The following FBXL7 variants were observed in gnomAD, a reference collection of about 807,000 sequenced individuals.
FBXL7 encodes F-box/LRR-repeat protein 7.
In FBXL7, 12 loss-of-function variants were observed where a neutral mutation model predicts 38.3. That is an observed-to-expected ratio of 0.31 (90% confidence interval 0.20 to 0.51). FBXL7 has a LOEUF of 0.51. Ranked by LOEUF, FBXL7 falls within the 20% of genes least tolerant of loss-of-function variation. The pLI, the probability that FBXL7 is intolerant of heterozygous loss-of-function variation, is 0.98. For synonymous variants in FBXL7, 297 were observed against 300.9 expected, an observed-to-expected ratio of 0.99 and a Z score of 0.13; for missense variants, 567 against 676.4, an observed-to-expected ratio of 0.84 and a Z score of 1.79.
intron 2 of FBXL7, among the ~76,000 whole-genome samples, chr5:15,687,197 C>CT (rs1255454612): frequency 6.6e-6 from 1 of 152,242 alleles, no homozygotes; most frequent in Non-Finnish European, 1.5e-5. Context: ...AACAAAACCC[C>CT]TTTATAGGAA....
chr5:15,620,775 T>A (rs1277297609), intron 2 of FBXL7, among the ~76,000 whole-genome samples: 1 of 152,178 alleles, frequency 6.6e-6, no homozygotes, highest in African/African-American at 2.4e-5. Flanking sequence ...AACTGACTCA[T>A]CATGGTAATA....
chr5:15,652,950 T>A (rs1241596456), intron 2 of FBXL7, among the ~76,000 whole-genome samples: 1 of 152,228 alleles, frequency 6.6e-6, no homozygotes. Context: ...ATGTGATTAT[T>A]ACACATTGTA....
At chr5:15,570,813 A>G (rs1448313162) in intron 1 of FBXL7, among the ~76,000 whole-genome samples, 3 of 152,114 alleles carry the variant, frequency 2.0e-5, no homozygotes, top group Admixed American at 1.3e-4. Context: ...ATTTTTATGA[A>G]TTGAAACTGT....
At chr5:15,574,559 A>G (rs1738896190) in intron 1 of FBXL7, among the ~76,000 whole-genome samples, 1 of 152,250 alleles carries the variant, frequency 6.6e-6, no homozygotes, top group South Asian at 2.1e-4. Context: ...AAGAACTGAA[A>G]TAAGCCAGTA....
chr5:15,648,875 C>G (rs1257043469), intron 2 of FBXL7, among the ~76,000 whole-genome samples: 3 of 151,684 alleles, frequency 2.0e-5, no homozygotes, highest in Non-Finnish European at 4.4e-5. Flanking sequence ...TCTTCGGTGT[C>G]CTAGTCAAGT....
At chr5:15,803,139 C>T (rs946818132) in intron 2 of FBXL7, among the ~76,000 whole-genome samples, 3 of 152,094 alleles carry the variant, frequency 2.0e-5, no homozygotes, top group African/African-American at 7.2e-5. Flanking sequence ...TATCTATGGA[C>T]CACCTGATTT....
intron 1 of FBXL7, among the ~76,000 whole-genome samples, chr5:15,533,040 C>G (rs529262643): frequency 7.2e-5 from 11 of 152,228 alleles, no homozygotes; most frequent in African/African-American, 2.6e-4. Flanking sequence ...GTGTTACAGA[C>G]TTGTTGAGTT....
At chr5:15,693,497 T>G (rs938074763) in intron 2 of FBXL7, among the ~76,000 whole-genome samples, 1 of 152,158 alleles carries the variant, frequency 6.6e-6, no homozygotes, top group Non-Finnish European at 1.5e-5. Context: ...TGTAGAGAAG[T>G]GCAGGGTCTC....
At chr5:15,768,822 TA>T (rs754374078) in intron 2 of FBXL7, among the ~76,000 whole-genome samples, 8 of 152,174 alleles carry the variant, frequency 5.3e-5, no homozygotes, top group Non-Finnish European at 1.0e-4. Flanking sequence ...GGGGATTTGC[TA>T]TGGACTACAC....
intron 2 of FBXL7, among the ~76,000 whole-genome samples, chr5:15,713,559 A>G (rs571848408): frequency 6.6e-6 from 1 of 152,308 alleles, no homozygotes; most frequent in South Asian, 2.1e-4. Flanking sequence ...CATTCATGAT[A>G]CCCTGTCTTA....
Position 15,822,088 on chromosome 5 carries a change from C to T in FBXL7, c.128-105802C>T, listed in dbSNP as rs576648762. Among the ~76,000 whole-genome samples, 36 of 151,834 alleles carry T rather than the reference C, an allele frequency of 2.4e-4. 1 individual carries two copies. The South Asian group carries it at 7.1e-3, about 30-fold the overall frequency. ...AAAAGTGAGACCCAGTGTGGTGGCT[C>T]ACACCTGTAATCCCAGCACTTTGGG... On this transcript the variant is annotated intron_variant, in intron 2 of 3. Transcript: ENST00000504595.
intron 2 of FBXL7, among the ~76,000 whole-genome samples, chr5:15,778,237 C>G (rs754353609): frequency 1.1e-3 from 163 of 152,136 alleles, no homozygotes; most frequent in Non-Finnish European, 1.0e-3. Context: ...TGAACTCCCC[C>G]TTTCAAATAT....
intron 2 of FBXL7, among the ~76,000 whole-genome samples, chr5:15,841,148 T>C (rs986662137): frequency 5.3e-5 from 8 of 152,154 alleles, no homozygotes; most frequent in African/African-American, 1.9e-4. Flanking sequence ...CCAATTCTTA[T>C]ACTATTAACT....
At chr5:15,880,263 A>G (rs943547484) in intron 2 of FBXL7, among the ~76,000 whole-genome samples, 10 of 146,456 alleles carry the variant, frequency 6.8e-5, no homozygotes, top group African/African-American at 2.1e-4. Flanking sequence ...TGATGGGTCC[A>G]GGTCCACCGC....
At position 15,647,418 on chromosome 5, in the gene FBXL7, C is replaced by T. The variant is rs4537062; in HGVS notation, c.127+31346C>T. 1.4e-4 allele frequency among the ~76,000 whole-genome samples: 21 copies of T among 151,952 alleles called. No homozygotes were observed. The South Asian group carries it at 1.5e-3, about 11-fold the overall frequency. ...ATTTCTTATTCTCACTCAGTACTTC[C>T]GAGGCCACTGTCAGAGTTCCATCTG... On this transcript the variant is annotated intron_variant, in intron 2 of 3. Coordinates refer to ENST00000504595, the MANE Select transcript of FBXL7 (RefSeq NM_012304.5).
At chr5:15,722,121 TC>T (rs1744212899) in intron 2 of FBXL7, among the ~76,000 whole-genome samples, 1 of 152,042 alleles carries the variant, frequency 6.6e-6, no homozygotes, top group Admixed American at 6.6e-5. Context: ...GCGTGAGCCA[TC>T]ACGCCCGGCC....
rs1308423909 is a variant in FBXL7, at chr5:15,615,847, T to G, written c.38-136T>G. 5.6e-6 allele frequency: 3 copies of G among 531,294 alleles called. No individual in the cohort carries two copies. The Admixed American group carries it at 1.1e-4, about 19-fold the overall frequency. The allele number at this position is 531,294 out of a possible 1,614,324, so 32.9% of individuals were successfully genotyped here. Reference sequence around the variant, plus strand: ...TTTAATGCATAAGGCAAAAAAAAACTTAATAAACTCCATTCTTTGTATTAT... The same window carrying G: ...TTTAATGCATAAGGCAAAAAAAAACGTAATAAACTCCATTCTTTGTATTAT... On this transcript the variant is annotated intron_variant, in intron 1 of 3. Coordinates refer to ENST00000504595, the MANE Select transcript of FBXL7 (RefSeq NM_012304.5).
chr5:15,788,069 C>T (rs1737176234), intron 2 of FBXL7, among the ~76,000 whole-genome samples: 1 of 152,154 alleles, frequency 6.6e-6, no homozygotes, highest in Non-Finnish European at 1.5e-5. Context: ...CAGACCCTTA[C>T]TCCAATCTCT....
intron 2 of FBXL7, among the ~76,000 whole-genome samples, chr5:15,766,996 C>G (rs1416538477): frequency 6.6e-6 from 1 of 151,684 alleles, no homozygotes; most frequent in African/African-American, 2.4e-5. Flanking sequence ...TTTTCTGTTT[C>G]TTTTTCTTGA....
Sources: gnomAD v4.1 joint callset for allele counts (sites outside exome capture counted in the v4.1 genomes callset) on GRCh38, gnomAD v4.1.1 for gene constraint, MANE v1.5 for transcripts, NCBI Gene and HGNC (gene_info 2026-07-23, HGNC 2026-07-21) for gene names.